RLN2: variants seen among roughly 807,000 people sequenced by gnomAD.
The protein encoded by RLN2 is prorelaxin H2.
In RLN2, 10 loss-of-function variants were observed where a neutral mutation model predicts 7.3. The observed-to-expected ratio is 1.36, with a 90% confidence interval of 0.84 to 2.31. The LOEUF is 2.31. Among genes scored for constraint, RLN2 ranks in the 30% most tolerant of loss-of-function variants. The probability of loss-of-function intolerance (pLI) is 0.00; values close to 1 mark genes in which losing one functional copy is unlikely to be tolerated. For missense variants in RLN2, 298 were observed against 217.6 expected (o/e 1.37, Z -2.32); for synonymous variants, 103 against 82.3 (o/e 1.25, Z -1.36).
upstream of RLN2, among the ~76,000 whole-genome samples, chr9:5,309,527 G>A (rs1450459929): frequency 2.0e-5 from 3 of 151,774 alleles, no homozygotes; most frequent in Non-Finnish European, 1.5e-5. Context: ...CTGGACCATC[G>A]GCCTTGCCAC....
At chr9:5,301,795 C>T (rs528585560) in intron 1 of RLN2, among the ~76,000 whole-genome samples, 48 of 151,940 alleles carry the variant, frequency 3.2e-4, no homozygotes, top group Middle Eastern at 3.4e-3. Context: ...CCCCTTCTAG[C>T]CAACAAAAAA....
At chr9:5,329,329 A>G in the RLN2 span, among the ~76,000 whole-genome samples, 1 of 149,288 alleles carries the variant, frequency 6.7e-6, no homozygotes, top group Admixed American at 6.7e-5. Flanking sequence ...AAAAAAAAAA[A>G]GAAAAGAAAC....
the RLN2 span, among the ~76,000 whole-genome samples, chr9:5,324,586 T>C: frequency 6.6e-6 from 1 of 152,150 alleles, no homozygotes; most frequent in African/African-American, 2.4e-5. Context: ...TTTAACATCA[T>C]AAACCTACCA....
chr9:5,330,245 G>A, the RLN2 span, among the ~76,000 whole-genome samples: 379 of 152,056 alleles, frequency 2.5e-3, 3 homozygotes, highest in African/African-American at 8.9e-3. Context: ...AGAATCTCTG[G>A]GACATTTTAA....
chr9:5,304,663 G>A lies in RLN2; in HGVS notation c.-83C>T, dbSNP rs1816209323. The A allele has an allele frequency of 1.4e-6, 2 of 1,416,076 alleles. No homozygotes were observed. The highest frequency in any genetic ancestry group is 1.2e-5 in the South Asian group (1 of 84,018). The allele number at this position is 1,416,076 out of a possible 1,614,324, so 87.7% of individuals were successfully genotyped here. A position where few individuals can be genotyped will look rare whatever the true frequency, so the allele number is the denominator to read the frequency against. ...CTGTGGCCTACACACCTGGGCCTGT[G>A]TGCCTGTCCCGGGCTTTAGGCTGCT... On this transcript the variant is annotated 5_prime_UTR_variant, in exon 1 of 2. Coordinates refer to ENST00000381627, the MANE Select transcript of RLN2 (RefSeq NM_134441.3).
In RLN2 at chr9:5,304,606, C is replaced by T. The variant is rs1563735914; in HGVS notation, c.-26G>A. ...CCTGGGCCTGGTCTCTCCTGGAGGT[C>T]GGGACGTTGCAGCCTTTCAGGACTG... On this transcript the variant is annotated 5_prime_UTR_variant, in exon 1 of 2. Coordinates refer to ENST00000381627, the MANE Select transcript of RLN2 (RefSeq NM_134441.3). 1.9e-6 allele frequency: 3 copies of T among 1,609,780 alleles called. No individual in the cohort carries two copies. The highest frequency in any genetic ancestry group is 1.3e-5 in the African/African-American group (1 of 74,662).
chr9:5,326,662 T>C, the RLN2 span, among the ~76,000 whole-genome samples: 4 of 152,038 alleles, frequency 2.6e-5, no homozygotes, highest in Non-Finnish European at 5.9e-5. Flanking sequence ...TTATGTCAAA[T>C]AGTGATCTGA....
the RLN2 span, among the ~76,000 whole-genome samples, chr9:5,316,253 G>C: frequency 1.3e-5 from 2 of 151,758 alleles, no homozygotes; most frequent in Admixed American, 1.3e-4. Context: ...AACATCTTTA[G>C]GACTTTCTTC....
At chr9:5,301,887 T>A (rs1816149307) in intron 1 of RLN2, among the ~76,000 whole-genome samples, 2 of 152,196 alleles carry the variant, frequency 1.3e-5, no homozygotes, top group Non-Finnish European at 2.9e-5. Flanking sequence ...TCTCCCTCAT[T>A]CATGTTCTAA....
the RLN2 span, chr9:5,335,448 C>T: frequency 3.1e-6 from 5 of 1,613,588 alleles, no homozygotes; most frequent in Admixed American, 1.7e-5. Context: ...AGATTGGAAT[C>T]CTTTAATGCA....
upstream of RLN2, among the ~76,000 whole-genome samples, chr9:5,305,544 G>C (rs1433179241): frequency 6.6e-6 from 1 of 151,378 alleles, no homozygotes; most frequent in Non-Finnish European, 1.5e-5. Context: ...CCTGGTAAGA[G>C]GTGATTTTTT....
the RLN2 span, among the ~76,000 whole-genome samples, chr9:5,335,920 T>C: frequency 1.3e-5 from 2 of 152,070 alleles, no homozygotes; most frequent in Non-Finnish European, 2.9e-5. Context: ...ATGTAAGTCA[T>C]TGGAAACAGT....
upstream of RLN2, among the ~76,000 whole-genome samples, chr9:5,308,952 T>C (rs1472735956): frequency 1.3e-5 from 2 of 152,118 alleles, no homozygotes; most frequent in Non-Finnish European, 2.9e-5. Context: ...ATTCAGTCTG[T>C]TCCCAACTGC....
At chr9:5,308,566 C>T (rs1309217869), upstream of RLN2, among the ~76,000 whole-genome samples, 1 of 152,014 alleles carries the variant, frequency 6.6e-6, no homozygotes, top group Non-Finnish European at 1.5e-5. Flanking sequence ...GCCACAATCA[C>T]ATATGGAACA....
the RLN2 span, among the ~76,000 whole-genome samples, chr9:5,314,715 C>G: frequency 1.3e-5 from 2 of 151,996 alleles, no homozygotes; most frequent in African/African-American, 4.8e-5. Flanking sequence ...GCACTGCTCC[C>G]TTCCTTCCAG....
At chr9:5,332,719 G>A in the RLN2 span, among the ~76,000 whole-genome samples, 20 of 151,460 alleles carry the variant, frequency 1.3e-4, no homozygotes, top group African/African-American at 4.4e-4. Flanking sequence ...GGGTTCAAGC[G>A]ATTCTCCTGC....
At chr9:5,328,488 C>T in the RLN2 span, among the ~76,000 whole-genome samples, 1 of 152,130 alleles carries the variant, frequency 6.6e-6, no homozygotes, top group South Asian at 2.1e-4. Context: ...AAACACTCTT[C>T]AGGATATTAT....
chr9:5,317,906 A>G, the RLN2 span, among the ~76,000 whole-genome samples: 1 of 151,994 alleles, frequency 6.6e-6, no homozygotes, highest in Non-Finnish European at 1.5e-5. Context: ...GAAGTGTGGG[A>G]GAGACACTCA....
In RLN2 at chr9:5,299,986, A is replaced by C. The variant is rs765418790; in HGVS notation, c.*112T>G. 1.9e-4 allele frequency: 123 copies of C among 634,842 alleles called. No homozygotes were observed. The highest frequency in any genetic ancestry group is 3.2e-4 in the Non-Finnish European group (121 of 381,024). 39.3% of individuals were successfully genotyped at this position (634,842 alleles called of 1,614,324 possible). A position where few individuals can be genotyped will look rare whatever the true frequency, so the allele number is the denominator to read the frequency against. On this transcript the variant is annotated 3_prime_UTR_variant, in exon 2 of 2. Transcript: ENST00000381627. ...TAAGAATTGATGGGACCTAATATCTAACAAAGATTCTTAGATATTCTAAGA... is the reference window on the plus strand; with the variant it reads ...TAAGAATTGATGGGACCTAATATCTCACAAAGATTCTTAGATATTCTAAGA...
Sources: allele counts gnomAD v4.1 joint callset (sites outside exome capture counted in the v4.1 genomes callset), GRCh38; gene constraint gnomAD v4.1.1; transcripts MANE v1.5; gene names NCBI Gene and HGNC (gene_info 2026-07-23, HGNC 2026-07-21).